ALG6: variants seen among roughly 807,000 people sequenced by gnomAD.
The protein encoded by ALG6 is dolichyl pyrophosphate Man9GlcNAc2 alpha-1,3-glucosyltransferase.
Under a neutral mutation model 66.6 loss-of-function variants are expected in ALG6, and 46 were observed. The ratio of observed to expected loss-of-function variants is 0.69; its 90% CI spans 0.55 to 0.88. The LOEUF (loss-of-function observed/expected upper bound fraction) is 0.88. ALG6 is among the 40% of genes least tolerant of loss of function. ALG6 has a pLI of 0.00. For synonymous variants in ALG6, 185 were observed against 203.7 expected (o/e 0.91, Z 0.78); for missense variants, 505 against 586.8 (o/e 0.86, Z 1.44).
intron 3 of ALG6, among the ~76,000 whole-genome samples, chr1:63,400,717 T>G (rs1644461008): frequency 6.6e-6 from 1 of 152,086 alleles, no homozygotes; most frequent in African/African-American, 2.4e-5. Context: ...TTGGACAAAA[T>G]GTGATTCTTG....
At chr1:63,413,713 T>C in intron 9 of ALG6, 1 of 204,146 alleles carries the variant, frequency 4.9e-6, no homozygotes, top group East Asian at 1.2e-4. Context: ...AAATGTAATA[T>C]GTATTCTATA....
intron 4 of ALG6, among the ~76,000 whole-genome samples, 195 bp from the exon 5 acceptor site, chr1:63,404,258 A>G (rs1425038495): frequency 1.3e-5 from 2 of 152,194 alleles, no homozygotes; most frequent in Non-Finnish European, 2.9e-5. Flanking sequence ...AAGGTAAGCA[A>G]TGTAGATGCT....
At chr1:63,369,137 A>G (rs2100375907) in intron 1 of ALG6, among the ~76,000 whole-genome samples, 1 of 152,318 alleles carries the variant, frequency 6.6e-6, no homozygotes, top group South Asian at 2.1e-4. Context: ...ATGTCATGTG[A>G]AAATACAAAT....
intron 2 of ALG6, among the ~76,000 whole-genome samples, chr1:63,379,255 A>G (rs1648226156): frequency 6.6e-6 from 1 of 152,270 alleles, no homozygotes; most frequent in South Asian, 2.1e-4. Flanking sequence ...GCTTCCTGGT[A>G]GGCACCTGGG....
chr1:63,407,177 G>T (rs745800351), intron 7 of ALG6, 51 bp downstream of exon 7: 3 of 1,319,164 alleles, frequency 2.3e-6, no homozygotes, highest in South Asian at 2.4e-5. Flanking sequence ...GTGAAATCTA[G>T]ACTCAATGTG....
chr1:63,423,709 C>T (rs1332021906), intron 12 of ALG6, among the ~76,000 whole-genome samples: 2 of 152,136 alleles, frequency 1.3e-5, no homozygotes, highest in Non-Finnish European at 2.9e-5. Flanking sequence ...TGCATTGTAT[C>T]GATACACTAC....
At chr1:63,415,985 A>C in intron 11 of ALG6, 28 bp downstream of exon 11, 1 of 1,448,452 alleles carries the variant, frequency 6.9e-7, no homozygotes, top group Middle Eastern at 1.8e-4. Context: ...TTAGATACTT[A>C]ATTCTTGCCA....
At position 63,437,099 on chromosome 1, in the gene ALG6, A is replaced by T. The variant is rs567013040; in HGVS notation, c.*79A>T. The T allele has an allele frequency of 3.1e-5, 39 of 1,274,734 alleles. No homozygotes were observed. The Middle Eastern group carries it at 9.0e-4, about 29-fold the overall frequency. The allele number at this position is 1,274,734 out of a possible 1,614,324, so 79.0% of individuals were successfully genotyped here. On this transcript the variant is annotated 3_prime_UTR_variant, in exon 15 of 15. Coordinates refer to ENST00000263440, the MANE Select transcript of ALG6 (RefSeq NM_013339.4). ...TGAAAGGTTTTGTGAACTTTTTGCT[A>T]TGTATAAATGAAATTACCATTTTGA...
intron 11 of ALG6, among the ~76,000 whole-genome samples, chr1:63,416,784 A>G (rs998807065): frequency 2.0e-5 from 3 of 152,140 alleles, no homozygotes; most frequent in Middle Eastern, 3.2e-3. Context: ...TTGTGTTTCT[A>G]TGGCATTTAA....
At chr1:63,412,137 A>C (rs1444687214) in intron 9 of ALG6, 76 bp downstream of exon 9, 1 of 1,594,646 alleles carries the variant, frequency 6.3e-7, no homozygotes, top group Admixed American at 1.7e-5. Context: ...TGTAGAAGGT[A>C]CAAGGAATAG....
At chr1:63,427,232 C>A (rs1644620397) in intron 12 of ALG6, among the ~76,000 whole-genome samples, 1 of 142,510 alleles carries the variant, frequency 7.0e-6, no homozygotes, top group African/African-American at 2.6e-5. Context: ...CCAGGATGGT[C>A]TTGAACTCCT....
rs1410383207 is a variant in ALG6 at position 63,406,447 on chromosome 1, A to G, written c.429+48A>G. 4 of 1,495,722 alleles carry G rather than the reference A, an allele frequency of 2.7e-6. No homozygotes were observed. In the South Asian group the frequency reaches 3.4e-5, roughly 13 times the overall value. The allele number at this position is 1,495,722 out of a possible 1,614,324, so 92.7% of individuals were successfully genotyped here. On this transcript the variant is annotated intron_variant, in intron 6 of 14. Coordinates refer to ENST00000263440, the MANE Select transcript of ALG6 (RefSeq NM_013339.4). Reference sequence around the variant, plus strand: ...AGTTCGTCTCTGAAATGTATTCTTTATTAGTCTAACTATTAAGTATAGACC... The same window carrying G: ...AGTTCGTCTCTGAAATGTATTCTTTGTTAGTCTAACTATTAAGTATAGACC...
intron 12 of ALG6, chr1:63,428,424 C>T (rs1007579469): frequency 1.8e-5 from 4 of 218,000 alleles, no homozygotes; most frequent in Admixed American, 1.1e-4. Context: ...AAAGCCTTCT[C>T]AGATTTGTTT....
In ALG6 at chr1:63,429,197, A is replaced by G. The variant is rs886718786; in HGVS notation, c.1326+71A>G. The G allele has an allele frequency of 6.5e-6, 7 of 1,081,972 alleles. No individual in the cohort carries two copies. The Admixed American group carries it at 1.5e-4, about 24-fold the overall frequency. 67.0% of individuals were successfully genotyped at this position (1,081,972 alleles called of 1,614,324 possible). On this transcript the variant is annotated intron_variant, in intron 14 of 14. Transcript: ENST00000263440. Reference sequence around the variant, plus strand: ...ATTTTAAAAAATTATTGAAGTAGTGATTTTCTTTTATACCTTTTTGAGATA... The same window carrying G: ...ATTTTAAAAAATTATTGAAGTAGTGGTTTTCTTTTATACCTTTTTGAGATA...
chr1:63,377,412 G>C (rs1481398521), intron 2 of ALG6, among the ~76,000 whole-genome samples: 1 of 151,910 alleles, frequency 6.6e-6, no homozygotes, highest in Admixed American at 6.6e-5. Flanking sequence ...ATTCTTTACT[G>C]TATGTTTAGA....
At chr1:63,401,629 A>G (rs1461883270) in intron 3 of ALG6, among the ~76,000 whole-genome samples, 2 of 151,556 alleles carry the variant, frequency 1.3e-5, no homozygotes, top group Non-Finnish European at 2.9e-5. Context: ...GTGAGCCGAG[A>G]TTGCGCCACT....
At chr1:63,416,697 G>T (rs1357849715) in intron 11 of ALG6, among the ~76,000 whole-genome samples, 2 of 152,128 alleles carry the variant, frequency 1.3e-5, no homozygotes, top group African/African-American at 4.8e-5. Context: ...AGGATGACTT[G>T]TGTCAGTTTG....
intron 3 of ALG6, among the ~76,000 whole-genome samples, chr1:63,401,944 GCA>G (rs1491126912): frequency 0.017 from 2,585 of 152,194 alleles, 30 homozygotes; most frequent in Non-Finnish European, 0.026. Context: ...AGAGAGCCTT[GCA>G]CGTAACGAGG....
rs545665622 is a variant in ALG6 at position 63,411,379 on chromosome 1, T to C, written c.680+48T>C. 3.3e-5 allele frequency: 52 copies of C among 1,554,950 alleles called. No individual in the cohort carries two copies. In the African/African-American group the frequency reaches 6.1e-4, roughly 18 times the overall value. On this transcript the variant is annotated intron_variant, in intron 8 of 14. Coordinates refer to ENST00000263440, the MANE Select transcript of ALG6 (RefSeq NM_013339.4). ...AATCCAAAAATTTACTTCAGATAAT[T>C]TTTTTGGCATACTTACTTGCAGTAA...
Sources: gnomAD v4.1 joint callset for allele counts (sites outside exome capture counted in the v4.1 genomes callset) on GRCh38, gnomAD v4.1.1 for gene constraint, MANE v1.5 for transcripts, NCBI Gene and HGNC (gene_info 2026-07-23, HGNC 2026-07-21) for gene names.